Variants in ACOX2 observed in about 807,000 individuals in gnomAD.
The protein encoded by ACOX2 is peroxisomal acyl-coenzyme A oxidase 2.
Under a neutral mutation model 77.5 loss-of-function variants are expected in ACOX2, and 59 were observed. That is an observed-to-expected ratio of 0.76 (90% CI 0.62 to 0.95). The LOEUF (loss-of-function observed/expected upper bound fraction) is 0.95, where lower values mean the gene tolerates loss of function less well. Among genes scored for constraint, ACOX2 ranks in the 40% least tolerant of loss-of-function variants. The pLI, the probability that ACOX2 is intolerant of heterozygous loss-of-function variation, is 0.00. For missense variants in ACOX2, 837 were observed against 880.4 expected, an observed-to-expected ratio of 0.95 and a Z score of 0.62; for synonymous variants, 317 against 340.1, an observed-to-expected ratio of 0.93 and a Z score of 0.75.
At chr3:58,510,661 AAAATATATAT>A (rs2063274987) in intron 13 of ACOX2, among the ~76,000 whole-genome samples, 2 of 18,894 alleles carry the variant, frequency 1.1e-4, no homozygotes, top group African/African-American at 4.4e-4. Context: ...AAAAAAAAAA[AAAATATATAT>A]ATATATATAT....
At chr3:58,511,921 G>A (rs556719841) in intron 13 of ACOX2, among the ~76,000 whole-genome samples, 2 of 152,268 alleles carry the variant, frequency 1.3e-5, no homozygotes, top group East Asian at 1.9e-4. Flanking sequence ...CTCTTGCCAC[G>A]GTTACTTCCT....
rs771371772 is a variant in ACOX2 at position 58,526,492 on chromosome 3, G to T, written c.1320C>A (p.Asn440Lys). 1.9e-6 allele frequency: 3 copies of T among 1,613,884 alleles called. No individual in the cohort carries two copies. The highest frequency in any genetic ancestry group is 1.1e-5 in the South Asian group (1 of 91,028). Residue 440 changes from asparagine to lysine, a missense_variant, in exon 10 of 15, where the codon AAC becomes AAA. Physicochemically the swap from Asn to Lys is moderately conservative, Grantham distance 94. Transcript: ENST00000302819. This position sits in a 1 kb window ranked among gnomAD's most constrained non-coding sequence, Gnocchi z 4.3. ...LSASCTYEGE[N>K]TVLYLQVARF... ...TGGCCACCTGCAGGTAGAGCACTGT[G>T]TTCTCACCCTCGTAGGTACAGGAGG...
intron 13 of ACOX2, 51 bp downstream of exon 13, chr3:58,517,155 G>C: frequency 6.3e-7 from 1 of 1,590,870 alleles, no homozygotes; most frequent in East Asian, 2.2e-5. Context: ...GTGAACAAGG[G>C]GTAGGGTTAT....
chr3:58,532,211 C>T (rs759012041), intron 5 of ACOX2, among the ~76,000 whole-genome samples: 3 of 152,102 alleles, frequency 2.0e-5, no homozygotes, highest in African/African-American at 7.2e-5. Context: ...GAGTGACACA[C>T]TGAAGGTCAT....
rs935922264 is a variant in ACOX2 at position 58,528,156 on chromosome 3, G to C, written c.1155+638C>G. Among the ~76,000 whole-genome samples the C allele has an allele frequency of 1.3e-5, 2 of 152,212 alleles. No homozygotes were observed. Among genetic ancestry groups the C allele is most frequent in the African/African-American group, 4.8e-5 (2 of 41,440 alleles). On this transcript the variant is annotated intron_variant, in intron 9 of 14. Transcript: ENST00000302819. The surrounding 1 kb of genome is among the most constrained non-coding windows in gnomAD (Gnocchi z 5.6). ...GAGCTTTCAAGTCCTTGGGAGGAAAGTTATGTCCCTTGATCTCTCTGTGCC... is the reference window on the plus strand; with the variant it reads ...GAGCTTTCAAGTCCTTGGGAGGAAACTTATGTCCCTTGATCTCTCTGTGCC...
intron 5 of ACOX2, among the ~76,000 whole-genome samples, chr3:58,532,914 C>T (rs1486274579): frequency 2.0e-5 from 3 of 152,146 alleles, no homozygotes; most frequent in South Asian, 4.1e-4. Flanking sequence ...GCCTCAGGGA[C>T]GCTTGATGTG....
Position 58,524,500 on chromosome 3 carries a change from C to A in ACOX2, c.1452G>T (p.Arg484Ser). ...VAYLTAPDLA[R>S]CPAQRAADFL... is the part of the protein sequence containing the mutation. Reference sequence around the variant, plus strand: ...AGTCGGCTGCCCTCTGGGCTGGACACCTGGCCAGGTCAGGTGCGGTGAGAT... The same window carrying A: ...AGTCGGCTGCCCTCTGGGCTGGACAACTGGCCAGGTCAGGTGCGGTGAGAT... The change falls in exon 11 of 15, where the codon AGG becomes AGT. Residue 484 changes from arginine (R) to serine (S), a missense_variant. Physicochemically the swap from Arg to Ser is moderately radical, Grantham distance 110. Coordinates refer to ENST00000302819, the MANE Select transcript of ACOX2 (RefSeq NM_003500.4). The surrounding 1 kb of genome is among the most constrained non-coding windows in gnomAD (Gnocchi z 5.5). 1 of 1,614,152 alleles carries A rather than the reference C, an allele frequency of 6.2e-7. No homozygotes were observed. The highest frequency in any genetic ancestry group is 1.1e-5 in the South Asian group (1 of 91,080).
chr3:58,518,557 C>T (rs1267049477), intron 12 of ACOX2, among the ~76,000 whole-genome samples: 1 of 152,196 alleles, frequency 6.6e-6, no homozygotes, highest in African/African-American at 2.4e-5. Flanking sequence ...GACAAGCACA[C>T]ACAATTATTT....
At position 58,528,946 on chromosome 3, in the gene ACOX2, C is replaced by T; in HGVS notation, c.1003G>A (p.Ala335Thr). 6.2e-7 allele frequency: 1 copy of T among 1,608,990 alleles called. No individual in the cohort carries two copies. The highest frequency in any genetic ancestry group is 8.5e-7 in the Non-Finnish European group (1 of 1,177,440). Residue 335 changes from alanine (A) to threonine (T), a missense_variant, in exon 9 of 15, where the codon GCA becomes ACA. Physicochemically the swap from Ala to Thr is moderately conservative, Grantham distance 58. Transcript: ENST00000302819. This position sits in a 1 kb window ranked among gnomAD's most constrained non-coding sequence, Gnocchi z 5.6. ...QSRLRPSDPE[A>T]KVLDYQTQQQ... is the part of the protein sequence containing the mutation. The stretch of plus-strand genomic sequence containing the variant: ...TGTGTCTGGTAGTCCAGGACCTTTG[C>T]CTCTGGGTCACTGAAGGGAAAAGAA...
Position 58,522,205 on chromosome 3 carries a change from C to A in ACOX2, c.1632+291G>T, listed in dbSNP as rs550530269. ...AGACATCCAAGGATTGCCTGTGGGGCTAAGGGGAGACTTGACCTGCTTTTC... is the reference window on the plus strand; with the variant it reads ...AGACATCCAAGGATTGCCTGTGGGGATAAGGGGAGACTTGACCTGCTTTTC... On this transcript the variant is annotated intron_variant, in intron 12 of 14. Coordinates refer to ENST00000302819, the MANE Select transcript of ACOX2 (RefSeq NM_003500.4). This position sits in a 1 kb window ranked among gnomAD's most constrained non-coding sequence, Gnocchi z 4.3. Among the ~76,000 whole-genome samples the A allele has an allele frequency of 6.6e-6, 1 of 152,330 alleles. No individual in the cohort carries two copies. The highest frequency in any genetic ancestry group is 6.5e-5 in the Admixed American group (1 of 15,302).
rs980004386 is a variant in ACOX2 at position 58,514,066 on chromosome 3, T to G, written c.1850+3140A>C. ...TGTGTTTTCTGAAGGGTAGCCTTAT[T>G]ATCAACTATACCTGATGCTCCCTAG... On this transcript the variant is annotated intron_variant, in intron 13 of 14. Transcript: ENST00000302819. This position sits in a 1 kb window ranked among gnomAD's most constrained non-coding sequence, Gnocchi z 4.3. Among the ~76,000 whole-genome samples, 1 of 152,192 alleles carries G rather than the reference T, an allele frequency of 6.6e-6. No homozygotes were observed. Among genetic ancestry groups the G allele is most frequent in the Non-Finnish European group, 1.5e-5 (1 of 68,032 alleles).
At position 58,522,127 on chromosome 3, in the gene ACOX2, T is replaced by C. The variant is rs2063362881; in HGVS notation, c.1632+369A>G. On this transcript the variant is annotated intron_variant, in intron 12 of 14. Transcript: ENST00000302819. This position sits in a 1 kb window ranked among gnomAD's most constrained non-coding sequence, Gnocchi z 4.3. ...CAGGGCAGAGTGGGTGCTCAAATAT[T>C]TGCCGACCGACTGTGAATTATGCAG... is the stretch of plus-strand genomic sequence containing the variant. Among the ~76,000 whole-genome samples, 1 of 152,220 alleles carries C rather than the reference T, an allele frequency of 6.6e-6. No individual in the cohort carries two copies. The highest frequency in any genetic ancestry group is 2.4e-5 in the African/African-American group (1 of 41,450).
chr3:58,510,870 G>T, intron 13 of ACOX2: 2 of 419,034 alleles, frequency 4.8e-6, no homozygotes, highest in South Asian at 3.5e-5. Flanking sequence ...CATAACTGGT[G>T]TAATAAGGGC....
In ACOX2 at chr3:58,534,136, A is replaced by C. The variant is rs746239673; in HGVS notation, c.333T>G (p.Ser111=). The C allele has an allele frequency of 2.5e-6, 4 of 1,614,184 alleles. No individual in the cohort carries two copies. Among genetic ancestry groups the C allele is most frequent in the Non-Finnish European group, 3.4e-6 (4 of 1,180,040 alleles). The change falls in exon 4 of 15, where the codon TCT becomes TCG. Residue 111 remains serine, a synonymous_variant. Coordinates refer to ENST00000302819, the MANE Select transcript of ACOX2 (RefSeq NM_003500.4). The surrounding 1 kb of genome is among the most constrained non-coding windows in gnomAD (Gnocchi z 4.8). ...TGTGTATATTTAAGGCCACGTCTCC[A>C]GAAAGGGCTCTGTTGGGGAGAGATG... The part of the protein sequence containing the change: ...RELGYAYRAL[S]GDVALNIHRV...
rs2063344971 is a variant in ACOX2 at position 58,519,577 on chromosome 3, A to T, written c.1633-2154T>A. On this transcript the variant is annotated intron_variant, in intron 12 of 14. Coordinates refer to ENST00000302819, the MANE Select transcript of ACOX2 (RefSeq NM_003500.4). The surrounding 1 kb of genome is among the most constrained non-coding windows in gnomAD (Gnocchi z 5.0). ...TGGGGAACCATGGAGGTTAGGGTGGACTCATACCTGGGGCCCAGGTCAGTG... is the reference window on the plus strand; with the variant it reads ...TGGGGAACCATGGAGGTTAGGGTGGTCTCATACCTGGGGCCCAGGTCAGTG... Among the ~76,000 whole-genome samples, 1 of 151,982 alleles carries T rather than the reference A, an allele frequency of 6.6e-6. No individual in the cohort carries two copies. The highest frequency in any genetic ancestry group is 2.1e-4 in the South Asian group (1 of 4,810).
At position 58,528,939 on chromosome 3, in the gene ACOX2, A is replaced by G. The variant is rs1467135312; in HGVS notation, c.1010T>C (p.Val337Ala). The G allele has an allele frequency of 6.2e-7, 1 of 1,611,488 alleles. No individual in the cohort carries two copies. The highest frequency in any genetic ancestry group is 1.7e-5 in the Admixed American group (1 of 59,644). The change falls in exon 9 of 15, where the codon GTC becomes GCC. Residue 337 changes from valine to alanine, a missense_variant. Coordinates refer to ENST00000302819, the MANE Select transcript of ACOX2 (RefSeq NM_003500.4). This position sits in a 1 kb window ranked among gnomAD's most constrained non-coding sequence, Gnocchi z 5.6. ...CTGCTGTTGTGTCTGGTAGTCCAGGACCTTTGCCTCTGGGTCACTGAAGGG... is the reference window on the plus strand; with the variant it reads ...CTGCTGTTGTGTCTGGTAGTCCAGGGCCTTTGCCTCTGGGTCACTGAAGGG... The part of the protein sequence containing the change: ...RLRPSDPEAK[V>A]LDYQTQQQKL...
chr3:58,508,109 A>G (rs1359596297), intron 14 of ACOX2, among the ~76,000 whole-genome samples: 3 of 152,200 alleles, frequency 2.0e-5, no homozygotes. Context: ...CTCATATTCT[A>G]ACTACAGGGT....
At chr3:58,507,651 G>T (rs188822418) in intron 14 of ACOX2, among the ~76,000 whole-genome samples, 2 of 152,306 alleles carry the variant, frequency 1.3e-5, no homozygotes, top group African/African-American at 4.8e-5. Context: ...GAGGACTGCT[G>T]TATTTTTATG....
intron 1 of ACOX2, among the ~76,000 whole-genome samples, chr3:58,536,260 A>T (rs561779946): frequency 1.3e-5 from 2 of 152,040 alleles, no homozygotes; most frequent in African/African-American, 4.8e-5. Context: ...ATTTGCTTAC[A>T]TGTTCCTCCC....
Sources: allele counts gnomAD v4.1 joint callset (sites outside exome capture counted in the v4.1 genomes callset), GRCh38; gene constraint gnomAD v4.1.1; non-coding constraint Gnocchi (gnomAD v3.1); transcripts MANE v1.5; gene names NCBI Gene and HGNC (gene_info 2026-07-23, HGNC 2026-07-21).